COBL: variants seen among roughly 807,000 people sequenced by gnomAD.
COBL encodes the protein cordon-bleu WH2 repeat protein.
COBL carries 51 observed loss-of-function variants against 98.8 expected under a neutral mutation model. That is an observed-to-expected ratio of 0.52 (90% CI 0.41 to 0.65). The LOEUF (loss-of-function observed/expected upper bound fraction) is 0.65. COBL is among the 30% of genes least tolerant of loss of function. The probability of loss-of-function intolerance (pLI) is 0.00; values close to 1 mark genes in which losing one functional copy is unlikely to be tolerated. For missense variants in COBL, 1,617 were observed against 1,617.5 expected (o/e 1.00, Z 0.01); for synonymous variants, 634 against 651.7 (o/e 0.97, Z 0.41).
At chr7:51,043,259 G>A in intron 8 of COBL, 124 bp downstream of exon 8, 2 of 840,172 alleles carry the variant, frequency 2.4e-6, no homozygotes, top group Non-Finnish European at 3.7e-6. Context: ...TGTGAATCAG[G>A]GTCGGGGCCC....
intron 1 of COBL, among the ~76,000 whole-genome samples, chr7:51,273,018 AAT>A (rs1387084240): frequency 1.3e-5 from 2 of 152,176 alleles, no homozygotes; most frequent in African/African-American, 2.4e-5. Flanking sequence ...ATAAAAGTCA[AAT>A]AATAGGGCAT....
At chr7:51,143,830 C>T (rs961021829) in intron 5 of COBL, among the ~76,000 whole-genome samples, 2 of 152,112 alleles carry the variant, frequency 1.3e-5, no homozygotes, top group Non-Finnish European at 2.9e-5. Flanking sequence ...TTTTAAGAAG[C>T]AGGAAAAGTA....
At chr7:51,221,263 G>C (rs775998772) in intron 1 of COBL, among the ~76,000 whole-genome samples, 7 of 152,158 alleles carry the variant, frequency 4.6e-5, no homozygotes, top group Non-Finnish European at 1.0e-4. Context: ...TCTGCTCAGA[G>C]TGGTCTTCCA....
At chr7:51,094,651 T>C (rs1795115065) in intron 6 of COBL, among the ~76,000 whole-genome samples, 1 of 152,122 alleles carries the variant, frequency 6.6e-6, no homozygotes, top group Non-Finnish European at 1.5e-5. Flanking sequence ...AGGACACTAG[T>C]TAGCAACATG....
chr7:51,184,145 T>A lies in COBL; in HGVS notation c.740A>T (p.Lys247Ile). 1 of 1,570,064 alleles carries A rather than the reference T, an allele frequency of 6.4e-7. No homozygotes were observed. Among genetic ancestry groups the A allele is most frequent in the Non-Finnish European group, 8.7e-7 (1 of 1,155,122 alleles). ...ATTAACTTTGAAAAATCCCAGAAAT[T>A]TTTTCTTCTCTTTATCTGTCTCATC... ...GNDETDKEKK[K>I]FLGFFKVNKR... Residue 247 changes from lysine to isoleucine, a missense_variant, in exon 5 of 13, where the codon AAA (lysine) becomes ATA (isoleucine). By Grantham distance (102) the Lys-to-Ile change is moderately radical (BLOSUM62 -3). Around this residue, in one of 3 missense-constraint regions of COBL, gnomAD observed 75 missense variants for 120.5 expected, o/e 0.62. Coordinates refer to ENST00000265136, the MANE Select transcript of COBL (RefSeq NM_015198.5).
intron 2 of COBL, among the ~76,000 whole-genome samples, chr7:51,213,811 G>A (rs1237755360): frequency 2.0e-5 from 3 of 152,226 alleles, no homozygotes; most frequent in African/African-American, 2.4e-5. Context: ...AGACCTCAGA[G>A]AGTTGGCCAA....
At chr7:51,046,648 A>C (rs1481664253) in intron 7 of COBL, among the ~76,000 whole-genome samples, 11 of 152,108 alleles carry the variant, frequency 7.2e-5, no homozygotes, top group Non-Finnish European at 1.0e-4. Context: ...CATCAATGCT[A>C]AACGGAAACT....
chr7:51,294,566 C>G (rs1019420835), intron 1 of COBL, among the ~76,000 whole-genome samples: 3 of 142,786 alleles, frequency 2.1e-5, no homozygotes, highest in African/African-American at 7.8e-5. Context: ...TCACTTGTGC[C>G]TGGGAGGCAG....
At chr7:51,303,402 C>A (rs1802167724) in intron 1 of COBL, among the ~76,000 whole-genome samples, 1 of 152,104 alleles carries the variant, frequency 6.6e-6, no homozygotes, top group South Asian at 2.1e-4. Flanking sequence ...AAATACAAAA[C>A]CAGCAATCCG....
Position 51,146,938 on chromosome 7 carries a change from G to T in COBL, c.784-10607C>A, listed in dbSNP as rs189883728. 1.9e-3 allele frequency among the ~76,000 whole-genome samples: 290 copies of T among 152,354 alleles called. 2 individuals carry two copies. Among genetic ancestry groups the T allele is most frequent in the African/African-American group, 6.6e-3 (274 of 41,586 alleles). ...TGCTGATCCCCTGGCAGCCCCAGGAGGGGTGTGACATTCTCAGCTCCCCAC... is the reference window on the plus strand; with the variant it reads ...TGCTGATCCCCTGGCAGCCCCAGGATGGGTGTGACATTCTCAGCTCCCCAC... On this transcript the variant is annotated intron_variant, in intron 5 of 12. Transcript: ENST00000265136.
chr7:51,034,824 C>T (rs1042311200), intron 8 of COBL: 3 of 152,230 alleles, frequency 2.0e-5, no homozygotes, highest in Non-Finnish European at 4.4e-5. Flanking sequence ...TCTTTAGAAA[C>T]GTTCCTTATT....
chr7:51,053,320 C>T (rs1457975159), intron 7 of COBL, among the ~76,000 whole-genome samples: 2 of 152,150 alleles, frequency 1.3e-5, no homozygotes, highest in South Asian at 4.1e-4. Flanking sequence ...TCAGACCATC[C>T]TCTTGCCTGA....
At chr7:51,180,977 A>G (rs1281305785) in intron 5 of COBL, among the ~76,000 whole-genome samples, 1 of 152,212 alleles carries the variant, frequency 6.6e-6, no homozygotes, top group Non-Finnish European at 1.5e-5. Context: ...TATTCCAAAG[A>G]CTAGAGATGA....
chr7:51,043,365 ATCCT>A lies in COBL; in HGVS notation c.1406+14_1406+17del, dbSNP rs745606411. 13 of 1,611,090 alleles carry A rather than the reference ATCCT, an allele frequency of 8.1e-6. No individual in the cohort carries two copies. The highest frequency in any genetic ancestry group is 1.0e-5 in the Non-Finnish European group (12 of 1,178,190). The stretch of plus-strand genomic sequence containing the variant: ...GTGGCTGTGACTTCCGTACCCACCC[ATCCT>A]TCCCGTGACTCACCTCAGATGTGAG... On this transcript the variant is annotated intron_variant, in intron 8 of 12. Coordinates refer to ENST00000265136, the MANE Select transcript of COBL (RefSeq NM_015198.5).
intron 6 of COBL, among the ~76,000 whole-genome samples, chr7:51,120,199 G>C (rs368654459): frequency 6.6e-6 from 1 of 152,128 alleles, no homozygotes; most frequent in East Asian, 1.9e-4. Context: ...AAACAGTGTT[G>C]TCAAATGGTA....
At chr7:51,030,510 C>T (rs1318955728) in intron 9 of COBL, among the ~76,000 whole-genome samples, 1 of 152,124 alleles carries the variant, frequency 6.6e-6, no homozygotes, top group East Asian at 1.9e-4. Flanking sequence ...ATTTTTTGCG[C>T]CACCCTTTTT....
Position 51,219,825 on chromosome 7 carries a change from A to G in COBL, c.161T>C (p.Met54Thr), listed in dbSNP as rs753306254. 4 of 1,614,044 alleles carry G rather than the reference A, an allele frequency of 2.5e-6. 1 individual carries two copies. In the South Asian group the frequency reaches 4.4e-5, roughly 18 times the overall value. The change falls in exon 2 of 13, where the codon ATG (methionine) becomes ACG (threonine). Residue 54 changes from methionine to threonine, a missense_variant. Met to Thr is a moderately conservative substitution (Grantham distance 81). This residue lies in a region of COBL where 238 missense variants were observed against 215.0 expected (regional missense o/e 1.11). Transcript: ENST00000265136. ...ALGSQQNLVR[M>T]KEALRASTMD... is the part of the protein sequence containing the mutation. ...GGTGCTGGCCCTCAGCGCCTCCTTC[A>G]TGCGAACCAAGTTCTGCTGCGACCC...
intron 4 of COBL, among the ~76,000 whole-genome samples, chr7:51,190,405 G>A (rs866746524): frequency 1.1e-4 from 16 of 151,850 alleles, no homozygotes; most frequent in Non-Finnish European, 1.6e-4. Flanking sequence ...TTGTAGAGAC[G>A]GGGTCTCACT....
intron 7 of COBL, chr7:51,083,366 T>A: frequency 3.3e-6 from 2 of 609,378 alleles, no homozygotes; most frequent in Non-Finnish European, 5.6e-6. Flanking sequence ...CCAGATCCAG[T>A]CATATCCAGC....
Sources: allele counts gnomAD v4.1 joint callset (sites outside exome capture counted in the v4.1 genomes callset), GRCh38; gene constraint gnomAD v4.1.1; regional missense constraint gnomAD v4.1.1; transcripts MANE v1.5; gene names NCBI Gene and HGNC (gene_info 2026-07-23, HGNC 2026-07-21).